Variants in PCDHGA3 observed in about 807,000 individuals in gnomAD.
PCDHGA3 encodes the protein protocadherin gamma-A3.
In PCDHGA3, 40 loss-of-function variants were observed where a neutral mutation model predicts 58.5. That is an observed-to-expected ratio of 0.68 (90% CI 0.53 to 0.89). The LOEUF (loss-of-function observed/expected upper bound fraction) is 0.89, where lower values mean the gene tolerates loss of function less well. Among genes scored for constraint, PCDHGA3 ranks in the 40% least tolerant of loss-of-function variants. The pLI is 0.00. For synonymous variants in PCDHGA3, 530 were observed against 525.7 expected, an observed-to-expected ratio of 1.01 and a Z score of -0.11; for missense variants, 1,223 against 1,195.9, an observed-to-expected ratio of 1.02 and a Z score of -0.33.
chr5:141,474,518 G>T (rs1054372142), intron 1 of PCDHGA3, among the ~76,000 whole-genome samples: 1 of 152,168 alleles, frequency 6.6e-6, no homozygotes, highest in African/African-American at 2.4e-5. Context: ...CCTCTTGCTG[G>T]TCTGGCTAAT....
intron 1 of PCDHGA3, among the ~76,000 whole-genome samples, chr5:141,473,017 AGAAG>A (rs1484773075): frequency 7.0e-4 from 107 of 151,874 alleles, no homozygotes; most frequent in Middle Eastern, 3.4e-3. Flanking sequence ...AGAAAAAGAA[AGAAG>A]GAAGGAAGGA....
intron 1 of PCDHGA3, chr5:141,433,013 AC>A: frequency 6.2e-7 from 1 of 1,614,018 alleles, no homozygotes; most frequent in Non-Finnish European, 8.5e-7. Flanking sequence ...TTTCCTGCAG[AC>A]CTATTCCCAC....
At chr5:141,467,361 G>T (rs555435172) in intron 1 of PCDHGA3, among the ~76,000 whole-genome samples, 2 of 151,742 alleles carry the variant, frequency 1.3e-5, no homozygotes, top group Non-Finnish European at 2.9e-5. Flanking sequence ...CCAAATCAAC[G>T]TTTTCTTATA....
rs999687684 is a variant in PCDHGA3, at chr5:141,431,598, C to T, written c.2425-63209C>T. 1 of 1,614,192 alleles carries T rather than the reference C, an allele frequency of 6.2e-7. No homozygotes were observed. The highest frequency in any genetic ancestry group is 8.5e-7 in the Non-Finnish European group (1 of 1,180,046). ...GGAGTCAATGCGGAAGTGAGGTATT[C>T]CTTCCGGTATGTGGACGACAAGGCG... is the stretch of plus-strand genomic sequence containing the variant. On this transcript the variant is annotated intron_variant, in intron 1 of 3. Coordinates refer to ENST00000253812, the MANE Select transcript of PCDHGA3 (RefSeq NM_018916.4). This position sits in a 1 kb window ranked among gnomAD's most constrained non-coding sequence, Gnocchi z 4.8.
chr5:141,390,464 T>C (rs2092153361), intron 1 of PCDHGA3: 3 of 718,912 alleles, frequency 4.2e-6, no homozygotes, highest in Admixed American at 3.0e-5. Flanking sequence ...GTAGGAGCAA[T>C]TGTGTGGCCC....
intron 1 of PCDHGA3, chr5:141,427,093 G>A (rs1446677593): frequency 2.2e-6 from 1 of 458,122 alleles, no homozygotes. Flanking sequence ...CAGGATGAGG[G>A]TGTCAATGCG....
intron 2 of PCDHGA3, 147 bp from the exon 3 acceptor site, chr5:141,505,246 G>A (rs2099844792): frequency 2.1e-6 from 3 of 1,436,556 alleles, no homozygotes; most frequent in African/African-American, 1.4e-5. Flanking sequence ...AAGGATTGTA[G>A]AAGTGCCTCC....
At position 141,476,043 on chromosome 5, in the gene PCDHGA3, A is replaced by T. The variant is rs2099384502; in HGVS notation, c.2425-18764A>T. 1 of 1,492,156 alleles carries T rather than the reference A, an allele frequency of 6.7e-7. No individual in the cohort carries two copies. Among genetic ancestry groups the T allele is most frequent in the African/African-American group, 1.4e-5 (1 of 71,628 alleles). The allele number at this position is 1,492,156 out of a possible 1,614,324, so 92.4% of individuals were successfully genotyped here. On this transcript the variant is annotated intron_variant, in intron 1 of 3. Coordinates refer to ENST00000253812, the MANE Select transcript of PCDHGA3 (RefSeq NM_018916.4). The surrounding 1 kb of genome is among the most constrained non-coding windows in gnomAD (Gnocchi z 7.6). ...ACTCGGCGCCCAGCGCCCAAGCGCT[A>T]ACCCGCTGAAAGTTTCTCAGCGAAA...
intron 1 of PCDHGA3, among the ~76,000 whole-genome samples, chr5:141,465,576 C>T (rs1002696285): frequency 6.6e-6 from 1 of 152,136 alleles, no homozygotes; most frequent in Non-Finnish European, 1.5e-5. Context: ...TCTCAAAACA[C>T]TCTCATAATA....
chr5:141,375,745 C>G (rs753247365), intron 1 of PCDHGA3: 4 of 1,614,238 alleles, frequency 2.5e-6, no homozygotes, highest in Non-Finnish European at 3.4e-6. Context: ...TTGTGCTGGA[C>G]CAGAATGACA....
chr5:141,468,814 C>G (rs2099180978), intron 1 of PCDHGA3, among the ~76,000 whole-genome samples: 1 of 151,814 alleles, frequency 6.6e-6, no homozygotes, highest in African/African-American at 2.4e-5. Context: ...TGCAGTGAGC[C>G]AAGATCAAGC....
At chr5:141,394,260 G>C in intron 1 of PCDHGA3, 1 of 1,613,920 alleles carries the variant, frequency 6.2e-7, no homozygotes, top group Non-Finnish European at 8.5e-7. Flanking sequence ...CGACAGCCAG[G>C]AGAATGCCCA....
chr5:141,370,737 A>T, intron 1 of PCDHGA3: 2 of 1,613,928 alleles, frequency 1.2e-6, no homozygotes, highest in Non-Finnish European at 1.7e-6. Flanking sequence ...AAAGCCTTTA[A>T]ACTTTTTTCA....
intron 1 of PCDHGA3, chr5:141,371,741 T>C (rs1767988332): frequency 6.2e-7 from 1 of 1,614,004 alleles, no homozygotes; most frequent in East Asian, 2.2e-5. Flanking sequence ...ACGACAACGT[T>C]CCCGTTTTCC....
At chr5:141,437,939 T>C (rs1055613655) in intron 1 of PCDHGA3, among the ~76,000 whole-genome samples, 3 of 152,152 alleles carry the variant, frequency 2.0e-5, no homozygotes, top group African/African-American at 7.2e-5. Flanking sequence ...GGTTTCACCA[T>C]ATTGGCCAGA....
intron 1 of PCDHGA3, chr5:141,394,026 G>A (rs745343207): frequency 6.2e-7 from 1 of 1,613,494 alleles, no homozygotes; most frequent in Admixed American, 1.7e-5. Context: ...TTATAGATTA[G>A]TGACAAGGAA....
chr5:141,350,560 A>C (rs769443281), intron 1 of PCDHGA3: 29 of 1,613,916 alleles, frequency 1.8e-5, no homozygotes, highest in African/African-American at 1.5e-4. Context: ...TTGAGTGTGC[A>C]CTAGAATTCG....
chr5:141,395,409 T>G, intron 1 of PCDHGA3: 1 of 813,990 alleles, frequency 1.2e-6, no homozygotes, highest in East Asian at 2.8e-5. Context: ...AGTCATAGGT[T>G]ATTGTTTCAT....
In PCDHGA3 at chr5:141,400,505, C is replaced by T. The variant is rs759107285; in HGVS notation, c.2424+54048C>T. The stretch of plus-strand genomic sequence containing the variant: ...TTTCCACTTTGTAATTCCAGCGAGT[C>T]GACTTCCCATCCTGAGTTGGTGAGT... On this transcript the variant is annotated intron_variant, in intron 1 of 3. Transcript: ENST00000253812. 9 of 1,613,816 alleles carry T rather than the reference C, an allele frequency of 5.6e-6. No homozygotes were observed. In the African/African-American group the frequency reaches 6.7e-5, roughly 12 times the overall value.
Sources: gnomAD v4.1 joint callset for allele counts (sites outside exome capture counted in the v4.1 genomes callset) on GRCh38, gnomAD v4.1.1 for gene constraint, Gnocchi (gnomAD v3.1) non-coding constraint, MANE v1.5 for transcripts, NCBI Gene and HGNC (gene_info 2026-07-23, HGNC 2026-07-21) for gene names.